Variants in TMEM135 observed in about 807,000 individuals in gnomAD.
TMEM135 encodes peroxisomal membrane protein 52.
Under a neutral mutation model 60.3 loss-of-function variants are expected in TMEM135, and 30 were observed. The ratio of observed to expected loss-of-function variants is 0.50; its 90% confidence interval spans 0.37 to 0.68. The LOEUF (loss-of-function observed/expected upper bound fraction) is 0.68. Among genes scored for constraint, TMEM135 ranks in the 30% least tolerant of loss-of-function variants. The pLI, the probability that TMEM135 is intolerant of heterozygous loss-of-function variation, is 0.00. For missense variants in TMEM135, 468 were observed against 548.8 expected, an observed-to-expected ratio of 0.85 and a Z score of 1.47; for synonymous variants, 190 against 186.7, an observed-to-expected ratio of 1.02 and a Z score of -0.14.
chr11:87,148,100 T>C (rs533056), intron 4 of TMEM135, among the ~76,000 whole-genome samples: 55,917 of 152,060 alleles, frequency 0.37, 10,820 homozygotes, highest in East Asian at 0.67. Flanking sequence ...GTTATTTCCC[T>C]CTGTCACTGA....
chr11:87,206,054 G>T (rs1224500877), intron 5 of TMEM135, among the ~76,000 whole-genome samples: 6 of 152,162 alleles, frequency 3.9e-5, no homozygotes, highest in African/African-American at 1.4e-4. Flanking sequence ...GCTAGTGGTT[G>T]TGAACTACTG....
intron 5 of TMEM135, among the ~76,000 whole-genome samples, chr11:87,204,996 A>G (rs1940204188): frequency 6.6e-6 from 1 of 152,176 alleles, no homozygotes. Flanking sequence ...ATAATACTTA[A>G]TGTTCCCATT....
At chr11:87,320,069 T>C (rs953855607) in intron 14 of TMEM135, among the ~76,000 whole-genome samples, 38 of 152,172 alleles carry the variant, frequency 2.5e-4, no homozygotes, top group African/African-American at 8.2e-4. Context: ...TTGCTATCAT[T>C]ATTAATAATA....
intron 1 of TMEM135, among the ~76,000 whole-genome samples, chr11:87,057,803 GTGTGTGTGTGTGTT>G (rs1242615115): frequency 6.6e-6 from 1 of 151,636 alleles, no homozygotes; most frequent in African/African-American, 2.4e-5. Flanking sequence ...CTCTGTGTGT[GTGTGTGTGTGTGTT>G]TGTGTGTGTG....
At chr11:87,149,128 T>G (rs1938488158) in intron 4 of TMEM135, among the ~76,000 whole-genome samples, 1 of 152,074 alleles carries the variant, frequency 6.6e-6, no homozygotes, top group African/African-American at 2.4e-5. Flanking sequence ...AGAAAAAATT[T>G]AGCTCTTATG....
At chr11:87,176,762 T>C (rs950671433) in intron 5 of TMEM135, among the ~76,000 whole-genome samples, 6 of 152,104 alleles carry the variant, frequency 3.9e-5, no homozygotes, top group Non-Finnish European at 7.4e-5. Context: ...GAAGTCAGGT[T>C]ATAGTGGGTT....
rs372981526 is a variant in TMEM135 at position 87,293,920 on chromosome 11, C to T, written c.510-1862C>T. On this transcript the variant is annotated intron_variant, in intron 6 of 14. Coordinates refer to ENST00000305494, the MANE Select transcript of TMEM135 (RefSeq NM_022918.4). ...TCAAATGGTATTTCTGGTTCCAGAT[C>T]CTTGAGGAATCGCTATACTGTCTTC... 2.1e-4 allele frequency among the ~76,000 whole-genome samples: 32 copies of T among 152,284 alleles called. No individual in the cohort carries two copies. The East Asian group carries it at 2.7e-3, about 13-fold the overall frequency.
chr11:87,122,523 T>C (rs1829360), intron 4 of TMEM135, among the ~76,000 whole-genome samples: 71,718 of 150,692 alleles, frequency 0.48, 17,341 homozygotes, highest in East Asian at 0.67. Flanking sequence ...TGCAGTGTCA[T>C]AATCTCGGCT....
At chr11:87,280,975 TC>T (rs896162235) in intron 6 of TMEM135, among the ~76,000 whole-genome samples, 2 of 152,188 alleles carry the variant, frequency 1.3e-5, no homozygotes, top group African/African-American at 4.8e-5. Flanking sequence ...TAATCACTGT[TC>T]CATTTCATTT....
In TMEM135 at chr11:87,046,276, C is replaced by A. The variant is rs372494908; in HGVS notation, c.141+8090C>A. Among the ~76,000 whole-genome samples the A allele has an allele frequency of 1.7e-3, 256 of 152,230 alleles. 1 individual carries two copies. The highest frequency in any genetic ancestry group is 5.9e-3 in the African/African-American group (246 of 41,564). On this transcript the variant is annotated intron_variant, in intron 1 of 14. Transcript: ENST00000305494. ...AAAAATTAGCCAGCGTGGTGGTGGGCATCTGTAATCCCAGCTACTTGGGAG... is the reference window on the plus strand; with the variant it reads ...AAAAATTAGCCAGCGTGGTGGTGGGAATCTGTAATCCCAGCTACTTGGGAG...
At chr11:87,050,471 G>A (rs1949831153) in intron 1 of TMEM135, among the ~76,000 whole-genome samples, 1 of 69,870 alleles carries the variant, frequency 1.4e-5, no homozygotes. Context: ...AATAAAAAAT[G>A]ATAAAGGGGA....
In TMEM135 at chr11:87,180,370, A is replaced by G. The variant is rs1196696529; in HGVS notation, c.462+22964A>G. ...TTGCTTTTTTCCCCCCTTTCTTGCC[A>G]CTTCTCCCCAAGGCAGATGCAGTTG... On this transcript the variant is annotated intron_variant, in intron 5 of 14. Transcript: ENST00000305494. Among the ~76,000 whole-genome samples the G allele has an allele frequency of 2.6e-5, 4 of 152,064 alleles. No homozygotes were observed. In the East Asian group the frequency reaches 7.7e-4, roughly 29 times the overall value.
chr11:87,252,981 G>C (rs1941450493), intron 6 of TMEM135, among the ~76,000 whole-genome samples: 1 of 151,930 alleles, frequency 6.6e-6, no homozygotes, highest in Non-Finnish European at 1.5e-5. Flanking sequence ...GAGATTGTTA[G>C]GAGTGTTACT....
intron 6 of TMEM135, chr11:87,259,114 A>T: frequency 1.2e-6 from 1 of 847,476 alleles, no homozygotes; most frequent in Non-Finnish European, 2.0e-6. Context: ...CTCTTCGGAA[A>T]CATCTCCATC....
chr11:87,299,691 C>G (rs1942410379), intron 7 of TMEM135, among the ~76,000 whole-genome samples: 1 of 152,148 alleles, frequency 6.6e-6, no homozygotes, highest in Non-Finnish European at 1.5e-5. Flanking sequence ...AGCTTATGGT[C>G]TAGTGGGGAA....
intron 4 of TMEM135, among the ~76,000 whole-genome samples, chr11:87,126,001 C>T (rs2135223846): frequency 6.6e-6 from 1 of 152,234 alleles, no homozygotes; most frequent in East Asian, 1.9e-4. Flanking sequence ...CCCTGCCATT[C>T]TCACTCACCC....
Position 87,037,985 on chromosome 11 carries a change from G to C in TMEM135, c.-61G>C, listed in dbSNP as rs61906171. 101,628 of 1,608,072 alleles carry C rather than the reference G, an allele frequency of 0.063. 3,644 individuals carry two copies. Among genetic ancestry groups the C allele is most frequent in the South Asian group, 0.12 (10,681 of 90,974 alleles). On this transcript the variant is annotated 5_prime_UTR_variant, in exon 1 of 15. Coordinates refer to ENST00000305494, the MANE Select transcript of TMEM135 (RefSeq NM_022918.4). ...GCGAGAGGCTGGCGGCTGGGCTCTCGCGCCCCTCCCTGCAGGGCTCAGGCT... is the reference window on the plus strand; with the variant it reads ...GCGAGAGGCTGGCGGCTGGGCTCTCCCGCCCCTCCCTGCAGGGCTCAGGCT...
chr11:87,156,146 A>T (rs476943), intron 4 of TMEM135, among the ~76,000 whole-genome samples: 33,359 of 152,054 alleles, frequency 0.22, 4,270 homozygotes, highest in East Asian at 0.54. Context: ...TAGTCTTATT[A>T]CCCTGGTCAA....
intron 5 of TMEM135, among the ~76,000 whole-genome samples, chr11:87,213,216 C>G (rs1170595644): frequency 2.0e-5 from 3 of 152,142 alleles, no homozygotes; most frequent in Non-Finnish European, 4.4e-5. Flanking sequence ...AAAATGGTCT[C>G]TGTGTGTGTT....
Sources: allele counts gnomAD v4.1 joint callset (sites outside exome capture counted in the v4.1 genomes callset), GRCh38; gene constraint gnomAD v4.1.1; transcripts MANE v1.5; gene names NCBI Gene and HGNC (gene_info 2026-07-23, HGNC 2026-07-21).